ATP5F1A: variants seen among roughly 807,000 people sequenced by gnomAD.
ATP5F1A encodes the protein ATP synthase F(1) complex subunit alpha, mitochondrial.
Under a neutral mutation model 57.4 loss-of-function variants are expected in ATP5F1A, and 24 were observed. The ratio of observed to expected loss-of-function variants is 0.42; its 90% CI spans 0.30 to 0.59. The LOEUF (loss-of-function observed/expected upper bound fraction) is 0.59, where lower values mean the gene tolerates loss of function less well. ATP5F1A is among the 20% of genes least tolerant of loss of function. ATP5F1A has a pLI of 0.19. For synonymous variants in ATP5F1A, 251 were observed against 255.5 expected (o/e 0.98, Z 0.17); for missense variants, 494 against 707.9 (o/e 0.70, Z 3.43).
At chr18:46,098,917 A>T (rs1911175881), upstream of ATP5F1A, among the ~76,000 whole-genome samples, 1 of 152,170 alleles carries the variant, frequency 6.6e-6, no homozygotes, top group South Asian at 2.1e-4. Context: ...CCTGTCAGTG[A>T]ATTAGAGCAA....
At chr18:46,098,370 TC>T, upstream of ATP5F1A, 1 of 1,247,622 alleles carries the variant, frequency 8.0e-7, no homozygotes, top group Non-Finnish European at 1.0e-6. Flanking sequence ...TCACCACCTC[TC>T]CCCCCGCCCC....
At chr18:46,095,173 C>G (rs1281466823) in intron 1 of ATP5F1A, 42 bp from the exon 2 acceptor site, 8 of 1,590,480 alleles carry the variant, frequency 5.0e-6, no homozygotes, top group African/African-American at 2.7e-5. Flanking sequence ...TTTAACAAAG[C>G]CTTTATAAAA....
chr18:46,091,828 G>C lies in ATP5F1A; in HGVS notation c.163C>G (p.Leu55Val). Residue 55 changes from leucine (L) to valine (V), a missense_variant, in exon 3 of 12, where the codon CTT (leucine) becomes GTT (valine). Around this residue, in one of 6 missense-constraint regions of ATP5F1A, gnomAD observed 142 missense variants for 137.5 expected, o/e 1.03. Transcript: ENST00000398752. Reference sequence around the variant, plus strand: ...TCAGCTCCAAGAATACGCTCTTCAAGAATAGAGGACATCTCAGCAGTCCCT... The same window carrying C: ...TCAGCTCCAAGAATACGCTCTTCAACAATAGAGGACATCTCAGCAGTCCCT... ...KTGTAEMSSI[L>V]EERILGADTS... The C allele has an allele frequency of 1.2e-6, 2 of 1,613,174 alleles. No homozygotes were observed. The highest frequency in any genetic ancestry group is 1.7e-6 in the Non-Finnish European group (2 of 1,179,808).
At chr18:46,102,273 T>C (rs1911297360), upstream of ATP5F1A, among the ~76,000 whole-genome samples, 1 of 152,156 alleles carries the variant, frequency 6.6e-6, no homozygotes, top group South Asian at 2.1e-4. Flanking sequence ...ACTGAAGGGC[T>C]GCACCAGTTT....
chr18:46,091,376 A>G (rs1345010263), intron 3 of ATP5F1A, among the ~76,000 whole-genome samples: 1 of 152,242 alleles, frequency 6.6e-6, no homozygotes. Context: ...GCTTTTGTAT[A>G]AAATAATCTT....
chr18:46,097,296 T>A (rs1911034811), intron 1 of ATP5F1A, among the ~76,000 whole-genome samples: 2 of 152,066 alleles, frequency 1.3e-5, no homozygotes, highest in African/African-American at 4.8e-5. Flanking sequence ...CCTTTCAAAT[T>A]GAGATTACTT....
upstream of ATP5F1A, among the ~76,000 whole-genome samples, chr18:46,101,335 C>T (rs1911269909): frequency 1.3e-5 from 2 of 151,692 alleles, 1 homozygote; most frequent in South Asian, 4.2e-4. Context: ...GAGGCCAAGG[C>T]AGGCAGATCG....
intron 2 of ATP5F1A, chr18:46,092,187 A>AATAATG (rs1910608076): frequency 3.4e-5 from 1 of 29,052 alleles, no homozygotes; most frequent in Non-Finnish European, 8.1e-5. Context: ...TCAAAATAAT[A>AATAATG]ATAATAATAA....
chr18:46,085,822 A>C, intron 10 of ATP5F1A: 1 of 336,922 alleles, frequency 3.0e-6, no homozygotes, highest in Non-Finnish European at 5.4e-6. Context: ...AATCCGAGCT[A>C]CTAAGGAGGC....
intron 10 of ATP5F1A, 177 bp downstream of exon 10, chr18:46,085,933 CAAA>C (rs34456835): frequency 2.3e-4 from 139 of 597,502 alleles, no homozygotes; most frequent in South Asian, 4.4e-4. Flanking sequence ...AACTTCGTCT[CAAA>C]AAAAAAAAAA....
At chr18:46,090,031 T>C in intron 3 of ATP5F1A, 35 bp from the exon 4 acceptor site, 2 of 1,455,908 alleles carry the variant, frequency 1.4e-6, no homozygotes, top group Non-Finnish European at 1.8e-6. Flanking sequence ...TCAATGAAGC[T>C]GAATGGGCAC....
upstream of ATP5F1A, chr18:46,098,328 C>G: frequency 6.9e-7 from 1 of 1,443,894 alleles, no homozygotes; most frequent in East Asian, 2.6e-5. Context: ...AGACAGCCGG[C>G]CCACCTGACC....
At chr18:46,097,913 A>T in intron 1 of ATP5F1A, 1 of 1,240,982 alleles carries the variant, frequency 8.1e-7, no homozygotes, top group Non-Finnish European at 1.0e-6. Context: ...GGCCGCTGTC[A>T]GCCGAAGACA....
At chr18:46,095,612 G>A (rs1352330576) in intron 1 of ATP5F1A, among the ~76,000 whole-genome samples, 2 of 151,670 alleles carry the variant, frequency 1.3e-5, no homozygotes, top group South Asian at 2.1e-4. Flanking sequence ...CACCGCACCC[G>A]GCTTATTTTT....
Position 46,096,929 on chromosome 18 carries a change from G to A in ATP5F1A, c.60+1243C>T, listed in dbSNP as rs1037206775. On this transcript the variant is annotated intron_variant, in intron 1 of 11. Coordinates refer to ENST00000398752, the MANE Select transcript of ATP5F1A (RefSeq NM_004046.6). Reference sequence around the variant, plus strand: ...TCCTGGGAGGCGGTGGTTGCAGTGGGCGGAGATCACGCCATTGCAATCCAG... The same window carrying A: ...TCCTGGGAGGCGGTGGTTGCAGTGGACGGAGATCACGCCATTGCAATCCAG... Among the ~76,000 whole-genome samples the A allele has an allele frequency of 1.3e-4, 19 of 146,464 alleles. No homozygotes were observed. In the South Asian group the frequency reaches 3.0e-3, roughly 23 times the overall value.
At chr18:46,103,556 C>T (rs754257850) in intron 1 of ATP5F1A, among the ~76,000 whole-genome samples, 5 of 129,720 alleles carry the variant, frequency 3.9e-5, no homozygotes, top group East Asian at 2.2e-4. Context: ...AGCTGAGAGC[C>T]GAGAGCCGAG....
At chr18:46,097,857 G>T in intron 1 of ATP5F1A, 1 of 1,172,128 alleles carries the variant, frequency 8.5e-7, no homozygotes, top group South Asian at 3.7e-5. Context: ...AGGCCTCGGA[G>T]AGCTAGCGCC....
chr18:46,088,362 G>C, intron 5 of ATP5F1A, 105 bp from the exon 6 acceptor site: 1 of 1,066,342 alleles, frequency 9.4e-7, no homozygotes, highest in Non-Finnish European at 1.3e-6. Flanking sequence ...GCAGAAAGAA[G>C]AAGACATAAG....
intron 1 of ATP5F1A, chr18:46,097,956 G>A (rs1599793686): frequency 4.6e-6 from 6 of 1,291,330 alleles, no homozygotes; most frequent in Middle Eastern, 3.0e-4. Flanking sequence ...GGACACCATC[G>A]AGTTAACTGT....
Sources: allele counts gnomAD v4.1 joint callset (sites outside exome capture counted in the v4.1 genomes callset), GRCh38; gene constraint gnomAD v4.1.1; regional missense constraint gnomAD v4.1.1; transcripts MANE v1.5; gene names NCBI Gene and HGNC (gene_info 2026-07-23, HGNC 2026-07-21).